Variants in HS6ST2 observed in about 807,000 individuals in gnomAD.
The protein encoded by HS6ST2 is heparan sulfate 6-O-sulfotransferase 2.
Under a neutral mutation model 33.0 loss-of-function variants are expected in HS6ST2, and 17 were observed. The observed-to-expected ratio is 0.52, with a 90% CI of 0.35 to 0.77. HS6ST2 has a LOEUF of 0.77. HS6ST2 is among the 30% of genes least tolerant of loss of function. The pLI is 0.01. For synonymous variants in HS6ST2, 248 were observed against 237.1 expected (o/e 1.05, Z -0.42); for missense variants, 519 against 551.7 (o/e 0.94, Z 0.59).
At chrX:132,881,404 T>G (rs2066171605) in intron 2 of HS6ST2, among the ~76,000 whole-genome samples, 1 of 112,306 alleles carries the variant, frequency 8.9e-6, no homozygotes, top group African/African-American at 3.2e-5. Context: ...TTCATGTGTT[T>G]TTTGGCTGCA....
chrX:132,867,773 C>T lies in HS6ST2; in HGVS notation c.947+89035G>A, dbSNP rs147305568. On this transcript the variant is annotated intron_variant, in intron 2 of 4. Transcript: ENST00000370833. ...TCACCAATAGGCTGCCTTACAACAG[C>T]GCCTGAAGGAAGCACTAACATGGAA... 3.2e-3 allele frequency among the ~76,000 whole-genome samples: 352 copies of T among 111,648 alleles called. 2 individuals carry two copies. The highest frequency in any genetic ancestry group is 0.011 in the African/African-American group (324 of 30,752).
In HS6ST2 at chrX:132,828,093, G is replaced by T. The variant is rs944612449; in HGVS notation, c.948-119599C>A. Among the ~76,000 whole-genome samples, 4 of 111,343 alleles carry T rather than the reference G, an allele frequency of 3.6e-5. No homozygotes were observed. In the Admixed American group the frequency reaches 3.8e-4, roughly 11 times the overall value. ...CTTTTAATCTACTTCCTAGGGACTT[G>T]CCATGGCAAAGTATTGCAGGATTTG... On this transcript the variant is annotated intron_variant, in intron 2 of 4. Transcript: ENST00000370833.
chrX:132,687,306 T>C (rs1337005075), intron 3 of HS6ST2, among the ~76,000 whole-genome samples: 9 of 111,156 alleles, frequency 8.1e-5, no homozygotes, highest in Non-Finnish European at 1.3e-4. Flanking sequence ...TACTTTCTCC[T>C]GGGAGAAGGC....
At chrX:132,827,830 C>T (rs759230944) in intron 2 of HS6ST2, among the ~76,000 whole-genome samples, 3 of 110,497 alleles carry the variant, frequency 2.7e-5, no homozygotes, top group Admixed American at 9.7e-5. Context: ...TGTTGCCCCT[C>T]GATTTTGCTG....
intron 2 of HS6ST2, among the ~76,000 whole-genome samples, chrX:132,837,920 C>T (rs183222442): frequency 1.8e-5 from 2 of 111,807 alleles, no homozygotes; most frequent in African/African-American, 3.3e-5. Context: ...TAACATGAGA[C>T]GCAAATAGCC....
intron 4 of HS6ST2, among the ~76,000 whole-genome samples, chrX:132,665,399 T>A (rs2063801823): frequency 8.9e-6 from 1 of 112,012 alleles, no homozygotes. Context: ...TAGCTAGGTG[T>A]GTGCCTCATG....
chrX:132,692,655 C>T (rs113416214), intron 3 of HS6ST2, among the ~76,000 whole-genome samples: 80 of 111,376 alleles, frequency 7.2e-4, no homozygotes, highest in African/African-American at 2.5e-3. Context: ...ATAGCACTTC[C>T]CCATCTTCTC....
At chrX:132,810,573 C>T (rs1380079003) in intron 2 of HS6ST2, among the ~76,000 whole-genome samples, 1 of 111,372 alleles carries the variant, frequency 9.0e-6, no homozygotes, top group Non-Finnish European at 1.9e-5. Flanking sequence ...GACCTCTCTA[C>T]ATCCTTGCTA....
In HS6ST2 at chrX:132,691,414, T is replaced by C. The variant is rs1439428665; in HGVS notation, c.980+17048A>G. ...TTAACCGCTCTTGTCTGGTTGTCCC[T>C]AGGCATTATAGGAGCAAAGCAGGTT... On this transcript the variant is annotated intron_variant, in intron 3 of 4. Coordinates refer to ENST00000370833, the MANE Select transcript of HS6ST2 (RefSeq NM_001394073.1). Among the ~76,000 whole-genome samples, 3 of 111,992 alleles carry C rather than the reference T, an allele frequency of 2.7e-5. No individual in the cohort carries two copies. The Admixed American group carries it at 2.8e-4, about 11-fold the overall frequency.
chrX:132,635,051 C>G (rs2063543286), intron 4 of HS6ST2, among the ~76,000 whole-genome samples: 2 of 111,890 alleles, frequency 1.8e-5, no homozygotes, highest in Non-Finnish European at 3.8e-5. Flanking sequence ...TGTGTTCTGT[C>G]TCACCAAACC....
At chrX:132,735,484 C>T (rs1303078636) in intron 2 of HS6ST2, 1 of 112,091 alleles carries the variant, frequency 8.9e-6, no homozygotes, top group Non-Finnish European at 1.9e-5. Flanking sequence ...GGAAAACCGA[C>T]CCGTGACAAA....
At chrX:132,924,881 A>C (rs1033061012) in intron 2 of HS6ST2, among the ~76,000 whole-genome samples, 3 of 111,116 alleles carry the variant, frequency 2.7e-5, no homozygotes, top group African/African-American at 9.8e-5. Context: ...CCAGTGACTC[A>C]GGAGGCTGAG....
At chrX:132,957,470 T>G in intron 1 of HS6ST2, 144 bp from the exon 2 acceptor site, 2 of 655,163 alleles carry the variant, frequency 3.1e-6, no homozygotes, top group South Asian at 3.2e-5. Context: ...CGGCGGCGGC[T>G]GCGGCGGCGG....
At chrX:132,926,449 G>A (rs1361527453) in intron 2 of HS6ST2, among the ~76,000 whole-genome samples, 1 of 111,996 alleles carries the variant, frequency 8.9e-6, no homozygotes, top group Non-Finnish European at 1.9e-5. Flanking sequence ...TCCATTCTAA[G>A]GTTTAGCATC....
intron 3 of HS6ST2, among the ~76,000 whole-genome samples, chrX:132,696,967 C>T (rs1401554231): frequency 8.9e-6 from 1 of 111,998 alleles, no homozygotes; most frequent in Non-Finnish European, 1.9e-5. Context: ...TTAATTTGAT[C>T]CACACCTTCC....
rs182255187 is a variant in HS6ST2, at chrX:132,761,093, A to G, written c.948-52599T>C. Among the ~76,000 whole-genome samples the G allele has an allele frequency of 2.9e-3, 327 of 111,703 alleles. 1 individual carries two copies. Among genetic ancestry groups the G allele is most frequent in the African/African-American group, 1.0e-2 (306 of 30,736 alleles). On this transcript the variant is annotated intron_variant, in intron 2 of 4. Transcript: ENST00000370833. ...CATATATGCAAGGAATAAATGGTGGAAAAAGACTTTTGCCTCTGCTTTGGA... is the reference window on the plus strand; with the variant it reads ...CATATATGCAAGGAATAAATGGTGGGAAAAGACTTTTGCCTCTGCTTTGGA...
At chrX:132,721,946 T>G (rs1361865519) in intron 2 of HS6ST2, among the ~76,000 whole-genome samples, 1 of 110,427 alleles carries the variant, frequency 9.1e-6, no homozygotes, top group Non-Finnish European at 1.9e-5. Context: ...CCTAGCACTT[T>G]GGGAGGCCGA....
At chrX:132,721,916 C>T (rs1006847225) in intron 2 of HS6ST2, among the ~76,000 whole-genome samples, 12 of 111,279 alleles carry the variant, frequency 1.1e-4, no homozygotes, top group Non-Finnish European at 2.3e-4. Context: ...CGGCCGGGCG[C>T]GGTGGCTCAC....
At chrX:132,740,068 T>C (rs1480137846) in intron 2 of HS6ST2, among the ~76,000 whole-genome samples, 1 of 111,798 alleles carries the variant, frequency 8.9e-6, no homozygotes, top group Non-Finnish European at 1.9e-5. Context: ...CTTGATTACA[T>C]TGTCAACATG....
Sources: gnomAD v4.1 joint callset for allele counts (sites outside exome capture counted in the v4.1 genomes callset) on GRCh38, gnomAD v4.1.1 for gene constraint, MANE v1.5 for transcripts, NCBI Gene and HGNC (gene_info 2026-07-23, HGNC 2026-07-21) for gene names.